The following MAN1C1 variants were observed in gnomAD, a reference collection of about 807,000 sequenced individuals.
The protein encoded by MAN1C1 is mannosyl-oligosaccharide 1,2-alpha-mannosidase IC.
A neutral mutation model predicts 71.5 loss-of-function variants in MAN1C1; 49 were observed. The ratio of observed to expected loss-of-function variants is 0.69; its 90% CI spans 0.54 to 0.87. MAN1C1 has a LOEUF of 0.87. Ranked by LOEUF, MAN1C1 falls within the 40% of genes least tolerant of loss-of-function variation. The pLI is 0.00. For synonymous variants in MAN1C1, 352 were observed against 343.7 expected, an observed-to-expected ratio of 1.02 and a Z score of -0.27; for missense variants, 743 against 835.0, an observed-to-expected ratio of 0.89 and a Z score of 1.36.
At chr1:25,661,084 T>TTG in intron 1 of MAN1C1, among the ~76,000 whole-genome samples, 1 of 82,026 alleles carries the variant, frequency 1.2e-5, no homozygotes, top group African/African-American at 4.9e-5. Flanking sequence ...TGAAATTCTG[T>TTG]TTTTTTTTTT....
intron 6 of MAN1C1, among the ~76,000 whole-genome samples, chr1:25,762,334 G>C (rs1281267754): frequency 6.6e-6 from 1 of 151,618 alleles, no homozygotes; most frequent in Non-Finnish European, 1.5e-5. Flanking sequence ...TGTTACCCAG[G>C]CTTGTCTCAA....
Position 25,617,960 on chromosome 1 carries a change from GC to G in MAN1C1, c.169del (p.Arg57GlyfsTer125). On this transcript the variant is annotated frameshift_variant, in exon 1 of 12. Transcript: ENST00000374332. LOFTEE classifies it high-confidence loss of function. This position sits in a 1 kb window ranked among gnomAD's most constrained non-coding sequence, Gnocchi z 5.1. ...CTCTCGCCTCAAGCGCCTCTTCCTG[GC>G]CCCCCGGACCCAGCAGCCTGGTCTG... ...HSSRLKRLFL[A>X]PRTQQPGLEV... is the part of the protein sequence containing the mutation. 6.2e-7 allele frequency: 1 copy of G among 1,608,244 alleles called. No individual in the cohort carries two copies. Among genetic ancestry groups the G allele is most frequent in the African/African-American group, 1.3e-5 (1 of 74,324 alleles).
At chr1:25,705,944 GATAA>G (rs529176544) in intron 2 of MAN1C1, among the ~76,000 whole-genome samples, 5 of 152,134 alleles carry the variant, frequency 3.3e-5, no homozygotes, top group African/African-American at 4.8e-5. Context: ...CCCTATGTCA[GATAA>G]ATAAATAAAT....
intron 9 of MAN1C1, chr1:25,780,695 C>CA: frequency 8.9e-6 from 4 of 447,998 alleles, no homozygotes; most frequent in Admixed American, 3.7e-5. Context: ...TTTGGACTCT[C>CA]AGAGTCCAAA....
At chr1:25,700,381 T>G (rs1020263932) in intron 2 of MAN1C1, among the ~76,000 whole-genome samples, 19 of 152,230 alleles carry the variant, frequency 1.2e-4, no homozygotes, top group African/African-American at 3.6e-4. Context: ...ATCTGGAGAT[T>G]GTTTTGCAAC....
chr1:25,670,776 G>C (rs1157973319), intron 1 of MAN1C1, among the ~76,000 whole-genome samples: 4 of 152,244 alleles, frequency 2.6e-5, no homozygotes, highest in Admixed American at 2.6e-4. Flanking sequence ...GGCAAAAGGA[G>C]AGAGACTGGT....
Position 25,737,453 on chromosome 1 carries a change from C to G in MAN1C1, c.638-9215C>G, listed in dbSNP as rs550545445. ...CTGGCCACTACTGTGTGTGCTGTGT[C>G]TTCTCCGAGTCCCAGGGGCCTGGTA... On this transcript the variant is annotated intron_variant, in intron 2 of 11. Coordinates refer to ENST00000374332, the MANE Select transcript of MAN1C1 (RefSeq NM_020379.4). Among the ~76,000 whole-genome samples the G allele has an allele frequency of 7.3e-4, 111 of 152,346 alleles. 2 individuals are homozygous for G. The highest frequency in any genetic ancestry group is 5.2e-3 in the Admixed American group (80 of 15,300).
chr1:25,710,704 A>G (rs1235351741), intron 2 of MAN1C1, among the ~76,000 whole-genome samples: 3 of 152,186 alleles, frequency 2.0e-5, no homozygotes, highest in African/African-American at 4.8e-5. Context: ...AAATAGCGAG[A>G]TAGACTTTCC....
intron 2 of MAN1C1, among the ~76,000 whole-genome samples, chr1:25,737,568 G>C (rs1451551592): frequency 6.6e-6 from 1 of 152,154 alleles, no homozygotes; most frequent in African/African-American, 2.4e-5. Flanking sequence ...TGCCTTCTCT[G>C]TGCCCAGCCT....
chr1:25,652,719 T>C (rs1469196320), intron 1 of MAN1C1, among the ~76,000 whole-genome samples: 1 of 152,188 alleles, frequency 6.6e-6, no homozygotes, highest in African/African-American at 2.4e-5. Flanking sequence ...TCAATGTCCT[T>C]TTCTGCACAA....
intron 1 of MAN1C1, among the ~76,000 whole-genome samples, chr1:25,663,569 T>G (rs2045880723): frequency 6.6e-6 from 1 of 152,222 alleles, no homozygotes; most frequent in African/African-American, 2.4e-5. Context: ...GTACCTATTT[T>G]TGGGCCTCAG....
At chr1:25,708,919 A>G (rs1171423128) in intron 2 of MAN1C1, among the ~76,000 whole-genome samples, 1 of 152,028 alleles carries the variant, frequency 6.6e-6, no homozygotes, top group Non-Finnish European at 1.5e-5. Context: ...CTTGGAAAGT[A>G]TCTGAGAAAG....
At chr1:25,688,420 T>C (rs1354711868) in intron 2 of MAN1C1, among the ~76,000 whole-genome samples, 2 of 152,166 alleles carry the variant, frequency 1.3e-5, no homozygotes, top group African/African-American at 4.8e-5. Context: ...TAAACACAGT[T>C]TGCAAATATT....
At position 25,622,819 on chromosome 1, in the gene MAN1C1, C is replaced by T. The variant is rs1041701807; in HGVS notation, c.540+4482C>T. On this transcript the variant is annotated intron_variant, in intron 1 of 11. Coordinates refer to ENST00000374332, the MANE Select transcript of MAN1C1 (RefSeq NM_020379.4). ...TGAATAAGTCATCTTGGCAAATGATCTTTGCTCCCCATTAACGGGCTGGTT... is the reference window on the plus strand; with the variant it reads ...TGAATAAGTCATCTTGGCAAATGATTTTTGCTCCCCATTAACGGGCTGGTT... 3.4e-4 allele frequency among the ~76,000 whole-genome samples: 52 copies of T among 152,204 alleles called. 1 individual carries two copies. The highest frequency in any genetic ancestry group is 9.7e-4 in the African/African-American group (40 of 41,430).
At chr1:25,678,935 T>C (rs1212100605) in intron 1 of MAN1C1, among the ~76,000 whole-genome samples, 2 of 152,190 alleles carry the variant, frequency 1.3e-5, no homozygotes, top group Admixed American at 6.5e-5. Flanking sequence ...TCTGCTTTTC[T>C]TCAGCGAGCT....
At chr1:25,640,533 T>A (rs941654815) in intron 1 of MAN1C1, among the ~76,000 whole-genome samples, 1 of 152,162 alleles carries the variant, frequency 6.6e-6, no homozygotes, top group Admixed American at 6.5e-5. Context: ...ATTATAAGAA[T>A]CAATAAGAAA....
At chr1:25,664,273 T>A (rs1010924611) in intron 1 of MAN1C1, among the ~76,000 whole-genome samples, 5 of 151,636 alleles carry the variant, frequency 3.3e-5, no homozygotes, top group Non-Finnish European at 7.4e-5. Context: ...TTTTTTTTTT[T>A]AATTTTAATC....
intron 1 of MAN1C1, among the ~76,000 whole-genome samples, chr1:25,640,050 A>G (rs1394512969): frequency 6.6e-6 from 1 of 152,218 alleles, no homozygotes; most frequent in Non-Finnish European, 1.5e-5. Context: ...TTCTCACATT[A>G]AAACAGTTTT....
In MAN1C1 at chr1:25,783,834, G is replaced by C; in HGVS notation, c.*45G>C. 5.0e-6 allele frequency: 8 copies of C among 1,594,164 alleles called. No individual in the cohort carries two copies. The highest frequency in any genetic ancestry group is 6.0e-6 in the Non-Finnish European group (7 of 1,174,450). ...CCTGGGGCCGCCGCAGGGATGCCTTGCCTTTTCAGGATTTGAGACTGTTCT... is the reference window on the plus strand; with the variant it reads ...CCTGGGGCCGCCGCAGGGATGCCTTCCCTTTTCAGGATTTGAGACTGTTCT... On this transcript the variant is annotated 3_prime_UTR_variant, in exon 12 of 12. Transcript: ENST00000374332.
Sources: gnomAD v4.1 joint callset for allele counts (sites outside exome capture counted in the v4.1 genomes callset) on GRCh38, gnomAD v4.1.1 for gene constraint, Gnocchi (gnomAD v3.1) non-coding constraint, MANE v1.5 for transcripts, NCBI Gene and HGNC (gene_info 2026-07-23, HGNC 2026-07-21) for gene names.